The following PLEKHG6 variants were observed in gnomAD, a reference collection of about 807,000 sequenced individuals.
PLEKHG6 encodes pleckstrin homology and RhoGEF domain containing G6.
A neutral mutation model predicts 97.5 loss-of-function variants in PLEKHG6; 91 were observed. The ratio of observed to expected loss-of-function variants is 0.93; its 90% CI spans 0.79 to 1.11. The LOEUF (loss-of-function observed/expected upper bound fraction) is 1.11, where lower values mean the gene tolerates loss of function less well. Among genes scored for constraint, PLEKHG6 ranks in the 50% most tolerant of loss-of-function variants. The probability of loss-of-function intolerance (pLI) is 0.00; values close to 1 mark genes in which losing one functional copy is unlikely to be tolerated. For missense variants in PLEKHG6, 1,044 were observed against 1,031.0 expected (o/e 1.01, Z -0.17); for synonymous variants, 466 against 425.5 (o/e 1.10, Z -1.17).
chr12:6,323,912 G>A (rs1287963222), intron 13 of PLEKHG6, among the ~76,000 whole-genome samples: 1 of 152,156 alleles, frequency 6.6e-6, no homozygotes, highest in Non-Finnish European at 1.5e-5. Context: ...CAGGAAGTCA[G>A]TGGGCACGTT....
chr12:6,315,788 T>C lies in PLEKHG6; in HGVS notation c.556-81T>C. 2 of 1,322,118 alleles carry C rather than the reference T, an allele frequency of 1.5e-6. No homozygotes were observed. Among genetic ancestry groups the C allele is most frequent in the East Asian group, 2.5e-5 (1 of 39,514 alleles). 81.9% of individuals were successfully genotyped at this position (1,322,118 alleles called of 1,614,324 possible). A position where few individuals can be genotyped will look rare whatever the true frequency, so the allele number is the denominator to read the frequency against. ...GGGATGCAGGGAGATAGGTCAGCAG[T>C]ACTGAAGTTGGTGGGGGGTGGGAGG... On this transcript the variant is annotated intron_variant, in intron 5 of 15. Coordinates refer to ENST00000684764, the MANE Select transcript of PLEKHG6 (RefSeq NM_001384598.1). The surrounding 1 kb of genome is among the most constrained non-coding windows in gnomAD (Gnocchi z 4.5).
chr12:6,311,023 A>G (rs1230841528), intron 1 of PLEKHG6, 175 bp downstream of exon 1: 1 of 152,368 alleles, frequency 6.6e-6, no homozygotes, highest in East Asian at 1.9e-4. Context: ...CAGCGCCCTC[A>G]GAGGGAGGAC....
intron 13 of PLEKHG6, among the ~76,000 whole-genome samples, chr12:6,321,498 G>A (rs1037988470): frequency 2.6e-5 from 4 of 151,928 alleles, no homozygotes; most frequent in Non-Finnish European, 5.9e-5. Flanking sequence ...GCCTTAGGGA[G>A]ACATTGCAAA....
chr12:6,328,004 GT>G (rs1947934579), intron 15 of PLEKHG6, 58 bp downstream of exon 15: 13 of 1,511,936 alleles, frequency 8.6e-6, no homozygotes, highest in South Asian at 2.4e-5. Flanking sequence ...CTGTATGGTG[GT>G]GGGGTGTAGT....
At chr12:6,326,930 T>C (rs970604268) in intron 14 of PLEKHG6, among the ~76,000 whole-genome samples, 2 of 152,110 alleles carry the variant, frequency 1.3e-5, no homozygotes, top group Non-Finnish European at 2.9e-5. Flanking sequence ...CACCACTGCT[T>C]GGCAGCAGCT....
chr12:6,323,344 AATCCTCTCTAGAGCC>A (rs1947759734), intron 13 of PLEKHG6, among the ~76,000 whole-genome samples: 2 of 152,348 alleles, frequency 1.3e-5, no homozygotes, highest in South Asian at 4.1e-4. Flanking sequence ...ATTATTAGGG[AATCCTCTCTAGAGCC>A]ATCAGTCTTT....
At chr12:6,312,852 G>A (rs1431521464) in intron 2 of PLEKHG6, 1 of 1,305,368 alleles carries the variant, frequency 7.7e-7, no homozygotes, top group Non-Finnish European at 9.8e-7. Context: ...CTCTCCTCCA[G>A]TCCTAACCAA....
chr12:6,326,389 T>A (rs372767669), intron 13 of PLEKHG6, 39 bp from the exon 14 acceptor site: 146 of 1,557,144 alleles, frequency 9.4e-5, no homozygotes, highest in Non-Finnish European at 1.2e-4. Context: ...AAGTGCTCAA[T>A]AAATGAGAGC....
rs1339316119 is a variant in PLEKHG6 at position 6,315,067 on chromosome 12, C to G, written c.357C>G (p.Pro119=). The change falls in exon 4 of 16, where the codon CCC becomes CCG. Residue 119 remains proline (P), a synonymous_variant. Transcript: ENST00000684764. This position sits in a 1 kb window ranked among gnomAD's most constrained non-coding sequence, Gnocchi z 4.5. ...RLHTFSMFGM[P]RLPPEDRRHW... ...ACACTTTCAGCATGTTTGGGATGCC[C>G]CGGCTGCCCCCTGAGGACCGGCGGC... 1.2e-6 allele frequency: 2 copies of G among 1,613,700 alleles called. No individual in the cohort carries two copies. The highest frequency in any genetic ancestry group is 2.7e-5 in the African/African-American group (2 of 74,916).
intron 2 of PLEKHG6, chr12:6,312,610 G>A (rs942333866): frequency 1.5e-6 from 2 of 1,295,806 alleles, no homozygotes; most frequent in Non-Finnish European, 9.8e-7. Flanking sequence ...TCCGAGGAGT[G>A]CTGTTAGACA....
At position 6,328,292 on chromosome 12, in the gene PLEKHG6, T is replaced by C. The variant is rs1228913002; in HGVS notation, c.*147T>C. ...CCAGGCACCCTGCCTCCTGCTCTGT[T>C]TGGGGATCAAGAACTGTAAATTTAT... On this transcript the variant is annotated 3_prime_UTR_variant, in exon 16 of 16. Transcript: ENST00000684764. The C allele has an allele frequency of 1.4e-6, 1 of 725,060 alleles. No individual in the cohort carries two copies. The highest frequency in any genetic ancestry group is 2.7e-5 in the East Asian group (1 of 36,946). 44.9% of individuals were successfully genotyped at this position (725,060 alleles called of 1,614,324 possible).
Position 6,311,966 on chromosome 12 carries a change from G to T in PLEKHG6, c.-68-193G>T, listed in dbSNP as rs540651908. On this transcript the variant is annotated intron_variant, in intron 1 of 15. Coordinates refer to ENST00000684764, the MANE Select transcript of PLEKHG6 (RefSeq NM_001384598.1). ...CTCCAAGGGGCTTCCTACCCAATAT[G>T]TACCTGGACCTACCCTACTCCCACC... is the stretch of plus-strand genomic sequence containing the variant. Among the ~76,000 whole-genome samples the T allele has an allele frequency of 4.6e-5, 7 of 152,182 alleles. No individual in the cohort carries two copies. The South Asian group carries it at 1.5e-3, about 32-fold the overall frequency.
rs778185072 is a variant in PLEKHG6, at chr12:6,317,320, C to G, written c.774C>G (p.His258Gln). Reference sequence around the variant, plus strand: ...CTCTCCAGTTTGGCCAGCGGTTCCACCCCTATGTCCAGTACTGCCTCCGAG... The same window carrying G: ...CTCTCCAGTTTGGCCAGCGGTTCCAGCCCTATGTCCAGTACTGCCTCCGAG... Reference protein sequence around the residue: ...SGFLTFGQRFHPYVQYCLRVK... With the variant: ...SGFLTFGQRFQPYVQYCLRVK... Residue 258 changes from histidine (H) to glutamine (Q), a missense_variant, in exon 8 of 16, where the codon CAC (histidine) becomes CAG (glutamine). Coordinates refer to ENST00000684764, the MANE Select transcript of PLEKHG6 (RefSeq NM_001384598.1). 62 of 1,613,782 alleles carry G rather than the reference C, an allele frequency of 3.8e-5. No individual in the cohort carries two copies. The highest frequency in any genetic ancestry group is 5.1e-5 in the Non-Finnish European group (60 of 1,179,738).
rs926536308 is a variant in PLEKHG6, at chr12:6,313,698, T to C, written c.208T>C (p.Ser70Pro). ...ARGSGQARGL[S>P]PMRLRDPEPE... ...GGGTTCTGGCCAGGCCCGAGGCCTG[T>C]CACCCATGAGACTGCGAGATCCAGA... The change falls in exon 3 of 16, where the codon TCA becomes CCA. Residue 70 changes from serine to proline, a missense_variant. By Grantham distance (74) the Ser-to-Pro change is moderately conservative. Coordinates refer to ENST00000684764, the MANE Select transcript of PLEKHG6 (RefSeq NM_001384598.1). 6.2e-7 allele frequency: 1 copy of C among 1,613,626 alleles called. No homozygotes were observed. Among genetic ancestry groups the C allele is most frequent in the African/African-American group, 1.3e-5 (1 of 74,926 alleles).
At chr12:6,312,904 G>C in intron 2 of PLEKHG6, 1 of 1,376,358 alleles carries the variant, frequency 7.3e-7, no homozygotes, top group Non-Finnish European at 9.4e-7. Context: ...CAGCCTGCAG[G>C]TTTCCCCTCC....
chr12:6,319,265 T>A, intron 13 of PLEKHG6, 157 bp downstream of exon 13: 1 of 618,314 alleles, frequency 1.6e-6, no homozygotes, highest in South Asian at 2.0e-5. Context: ...CTGGCCAACA[T>A]GGTGAAACCC....
rs1169713898 is a variant in PLEKHG6, at chr12:6,315,904, G to A, written c.591G>A (p.Val197=). ...LAAGLLNLQR[V]GLLMEVSAET... ...CCGGCCTGCTGAACCTGCAGCGAGT[G>A]GGACTGCTGATGGAAGTGAGTGGGT... Residue 197 remains valine, a synonymous_variant, in exon 6 of 16, where the codon GTG becomes GTA. Coordinates refer to ENST00000684764, the MANE Select transcript of PLEKHG6 (RefSeq NM_001384598.1). The surrounding 1 kb of genome is among the most constrained non-coding windows in gnomAD (Gnocchi z 4.5). 3.2e-6 allele frequency: 5 copies of A among 1,580,426 alleles called. No homozygotes were observed. The South Asian group carries it at 3.5e-5, about 11-fold the overall frequency.
In PLEKHG6 at chr12:6,313,762, T is replaced by C; in HGVS notation, c.272T>C (p.Leu91Pro). 6.3e-7 allele frequency: 1 copy of C among 1,594,858 alleles called. No homozygotes were observed. The highest frequency in any genetic ancestry group is 8.5e-7 in the Non-Finnish European group (1 of 1,170,562). Residue 91 changes from leucine to proline, a missense_variant, in exon 3 of 16, where the codon CTG (leucine) becomes CCG (proline). Coordinates refer to ENST00000684764, the MANE Select transcript of PLEKHG6 (RefSeq NM_001384598.1). ...KRHGGHVGAG[L>P]LHSPKLKELT... ...CACGGGGGCCATGTGGGGGCTGGCC[T>C]GCTTCACTCCCCCAAACTCAAGGTA...
At position 6,316,153 on chromosome 12, in the gene PLEKHG6, C is replaced by A; in HGVS notation, c.607-102C>A. 8.3e-7 allele frequency: 1 copy of A among 1,203,344 alleles called. No individual in the cohort carries two copies. 74.5% of individuals were successfully genotyped at this position (1,203,344 alleles called of 1,614,324 possible). ...GTGCCCAGTTCATCCTTCTTCACCC[C>A]CGCCCCTGCTGTCCAAGCTTAAGGT... On this transcript the variant is annotated intron_variant, in intron 6 of 15. Coordinates refer to ENST00000684764, the MANE Select transcript of PLEKHG6 (RefSeq NM_001384598.1). The surrounding 1 kb of genome is among the most constrained non-coding windows in gnomAD (Gnocchi z 4.1).
Sources: allele counts gnomAD v4.1 joint callset (sites outside exome capture counted in the v4.1 genomes callset), GRCh38; gene constraint gnomAD v4.1.1; non-coding constraint Gnocchi (gnomAD v3.1); transcripts MANE v1.5; gene names NCBI Gene and HGNC (gene_info 2026-07-23, HGNC 2026-07-21).